Variants in NFX1 observed in about 807,000 individuals in gnomAD.
NFX1 encodes nuclear transcription factor, X-box binding 1.
A neutral mutation model predicts 137.2 loss-of-function variants in NFX1; 69 were observed. The observed-to-expected ratio is 0.50, with a 90% confidence interval of 0.41 to 0.61. The LOEUF (loss-of-function observed/expected upper bound fraction) is 0.61. Ranked by LOEUF, NFX1 falls within the 20% of genes least tolerant of loss-of-function variation. The pLI is 0.00. For synonymous variants in NFX1, 495 were observed against 474.1 expected (o/e 1.04, Z -0.57); for missense variants, 1,167 against 1,391.0 (o/e 0.84, Z 2.56).
intron 7 of NFX1, among the ~76,000 whole-genome samples, chr9:33,317,973 CAAAA>C (rs5897542): frequency 4.5e-3 from 199 of 44,354 alleles, no homozygotes; most frequent in African/African-American, 0.019. Context: ...GACTCTGTCT[CAAAA>C]AAAAAAAAAA....
rs762688098 is a variant in NFX1, at chr9:33,344,094, T to C, written c.2250T>C (p.Cys750=). 4 of 1,613,984 alleles carry C rather than the reference T, an allele frequency of 2.5e-6. No individual in the cohort carries two copies. The highest frequency in any genetic ancestry group is 2.7e-5 in the African/African-American group (2 of 74,926). ...GTTTTGATGAATTAACCTGCCATTG[T>C]GGTGCATCAGTGATTTACCCTCCAG... ...QASFDELTCH[C]GASVIYPPVP... Residue 750 remains cysteine, a synonymous_variant, in exon 14 of 24, where the codon TGT becomes TGC. Transcript: ENST00000379540.
Position 33,370,193 on chromosome 9 carries a change from G to C in NFX1, c.*215G>C. 1 of 471,390 alleles carries C rather than the reference G, an allele frequency of 2.1e-6. No homozygotes were observed. The highest frequency in any genetic ancestry group is 3.7e-5 in the South Asian group (1 of 27,244). The allele number at this position is 471,390 out of a possible 1,614,324, so 29.2% of individuals were successfully genotyped here. On this transcript the variant is annotated 3_prime_UTR_variant, in exon 24 of 24. Coordinates refer to ENST00000379540, the MANE Select transcript of NFX1 (RefSeq NM_002504.6). ...TTATGACCAGATCTCTGATTGTATG[G>C]TCACTAGGTATGCAATCACGCATTC... is the stretch of plus-strand genomic sequence containing the variant.
At position 33,361,225 on chromosome 9, in the gene NFX1, A is replaced by G. The variant is rs538417032; in HGVS notation, c.2874-2785A>G. 5.3e-5 allele frequency among the ~76,000 whole-genome samples: 8 copies of G among 152,378 alleles called. No individual in the cohort carries two copies. In the South Asian group the frequency reaches 1.7e-3, roughly 32 times the overall value. On this transcript the variant is annotated intron_variant, in intron 19 of 23. Transcript: ENST00000379540. ...TTAGAAGACTATGAGCCATGAAGAC[A>G]GTTAAGTGTGAAAACAAAATAATAA...
intron 3 of NFX1, 61 bp downstream of exon 3, chr9:33,301,482 T>C (rs1821564419): frequency 6.6e-7 from 1 of 1,521,224 alleles, no homozygotes; most frequent in Admixed American, 2.2e-5. Flanking sequence ...TAAGTATTAT[T>C]AAGCCCAGCT....
At chr9:33,366,810 A>C in intron 22 of NFX1, 36 bp downstream of exon 22, 1 of 1,603,520 alleles carries the variant, frequency 6.2e-7, no homozygotes, top group Non-Finnish European at 8.5e-7. Context: ...AGAACTCCTA[A>C]GCAGGGCAAA....
chr9:33,305,065 G>A (rs1821704273), intron 4 of NFX1, among the ~76,000 whole-genome samples: 1 of 152,154 alleles, frequency 6.6e-6, no homozygotes, highest in Admixed American at 6.5e-5. Flanking sequence ...TTCTTCCAGG[G>A]GACCATTAAT....
chr9:33,347,492 C>G (rs939071133), intron 15 of NFX1, among the ~76,000 whole-genome samples: 9 of 151,784 alleles, frequency 5.9e-5, no homozygotes, highest in Non-Finnish European at 1.0e-4. Context: ...TTTTAATAAC[C>G]TCCTTATTCC....
intron 7 of NFX1, among the ~76,000 whole-genome samples, chr9:33,318,015 G>A (rs1315117225): frequency 7.1e-6 from 1 of 141,012 alleles, no homozygotes; most frequent in Non-Finnish European, 1.5e-5. Context: ...TCATTATAGT[G>A]AAACCTTTTG....
intron 11 of NFX1, among the ~76,000 whole-genome samples, chr9:33,334,974 A>T (rs1323191773): frequency 6.6e-6 from 1 of 152,164 alleles, no homozygotes. Flanking sequence ...TCAACATTTT[A>T]CCTCTCGTTT....
At chr9:33,332,642 AGG>A in intron 11 of NFX1, 140 bp downstream of exon 11, 1 of 559,960 alleles carries the variant, frequency 1.8e-6, no homozygotes, top group Non-Finnish European at 3.2e-6. Flanking sequence ...TCACCTCAAA[AGG>A]AAAAAAATAT....
At chr9:33,292,097 C>A (rs1330664846) in intron 1 of NFX1, among the ~76,000 whole-genome samples, 1 of 152,144 alleles carries the variant, frequency 6.6e-6, no homozygotes, top group Non-Finnish European at 1.5e-5. Flanking sequence ...TTTCTGTACC[C>A]TTCAGTGTTT....
At chr9:33,302,004 G>A (rs1387854939) in intron 3 of NFX1, among the ~76,000 whole-genome samples, 7 of 152,168 alleles carry the variant, frequency 4.6e-5, no homozygotes, top group Non-Finnish European at 1.0e-4. Flanking sequence ...TCCAGGAGGT[G>A]GAGATTGCAG....
At chr9:33,340,984 G>C (rs1823198907) in intron 12 of NFX1, among the ~76,000 whole-genome samples, 1 of 152,126 alleles carries the variant, frequency 6.6e-6, no homozygotes, top group South Asian at 2.1e-4. Context: ...ACATTCTCCT[G>C]TCCTCTTCTG....
chr9:33,351,653 C>T lies in NFX1; in HGVS notation c.2518C>T (p.Leu840Phe), dbSNP rs1446787528. The change falls in exon 16 of 24, where the codon CTC becomes TTC. Residue 840 changes from leucine (L) to phenylalanine (F), a missense_variant. Leu to Phe is a conservative substitution (Grantham distance 22). Transcript: ENST00000379540. ...LPCGMHKCQR[L>F]CHKGECLVDE... ...ATGTGGGATGCACAAATGTCAGAGA[C>T]TCTGTCACAAAGGGGAGTGTCTTGT... The T allele has an allele frequency of 3.7e-6, 6 of 1,614,158 alleles. No individual in the cohort carries two copies. The highest frequency in any genetic ancestry group is 1.6e-4 in the Middle Eastern group (1 of 6,062).
chr9:33,299,491 C>T (rs1198656254), intron 2 of NFX1, among the ~76,000 whole-genome samples: 1 of 152,090 alleles, frequency 6.6e-6, no homozygotes. Flanking sequence ...TCAAGACCAT[C>T]CTGGGCAACA....
intron 11 of NFX1, among the ~76,000 whole-genome samples, chr9:33,335,227 C>CTTTTTTTTTTTTTTTTTTTT (rs57459026): frequency 6.1e-5 from 8 of 130,508 alleles, no homozygotes; most frequent in African/African-American, 1.6e-4. Context: ...CTTTCTTTTT[C>CTTTTTTTTTTTTTTTTTTTT]TTTTTTTTTT....
intron 15 of NFX1, chr9:33,348,398 A>G (rs1207943382): frequency 6.6e-6 from 1 of 151,926 alleles, no homozygotes; most frequent in Admixed American, 6.6e-5. Flanking sequence ...TACAATGTAC[A>G]CTCCTCGGGT....
chr9:33,294,534 A>C lies in NFX1; in HGVS notation c.140A>C (p.Asn47Thr), dbSNP rs760726943. The C allele has an allele frequency of 2.5e-5, 40 of 1,614,080 alleles. No individual in the cohort carries two copies. The highest frequency in any genetic ancestry group is 3.3e-4 in the Middle Eastern group (2 of 6,084). ...GACTCTAATAGGATTGGTAGAAGAA[A>C]TTACAGTTCACCACCTCCCTGTCAC... ...RLDSNRIGRR[N>T]YSSPPPCHLS... Residue 47 changes from asparagine to threonine, a missense_variant, in exon 2 of 24, where the codon AAT (asparagine) becomes ACT (threonine). Asn to Thr is a moderately conservative substitution (Grantham distance 65). Coordinates refer to ENST00000379540, the MANE Select transcript of NFX1 (RefSeq NM_002504.6).
chr9:33,332,552 A>G, intron 11 of NFX1, 50 bp downstream of exon 11: 4 of 1,354,668 alleles, frequency 3.0e-6, no homozygotes, highest in Admixed American at 2.0e-5. Context: ...AAGTGTCGTC[A>G]CTCTGAATCT....
Sources: gnomAD v4.1 joint callset for allele counts (sites outside exome capture counted in the v4.1 genomes callset) on GRCh38, gnomAD v4.1.1 for gene constraint, MANE v1.5 for transcripts, NCBI Gene and HGNC (gene_info 2026-07-23, HGNC 2026-07-21) for gene names.